Variants in DHRS12 observed in about 807,000 individuals in gnomAD.
The protein encoded by DHRS12 is dehydrogenase/reductase 12.
DHRS12 carries 29 observed loss-of-function variants against 32.1 expected under a neutral mutation model. That is an observed-to-expected ratio of 0.90 (90% CI 0.67 to 1.23). The LOEUF (loss-of-function observed/expected upper bound fraction) is 1.23. DHRS12 is among the 50% of genes most tolerant of loss of function. DHRS12 has a pLI of 0.00. For synonymous variants in DHRS12, 150 were observed against 135.9 expected, an observed-to-expected ratio of 1.10 and a Z score of -0.72; for missense variants, 330 against 337.2, an observed-to-expected ratio of 0.98 and a Z score of 0.17.
intron 5 of DHRS12, chr13:51,775,902 CCTACATGTATT>C (rs201099769): frequency 1.4e-5 from 2 of 147,024 alleles, no homozygotes; most frequent in South Asian, 2.1e-4. Context: ...ACAGTATTCT[CCTACATGTATT>C]CTACAGTATT....
chr13:51,771,959 T>G (rs1226111978), intron 6 of DHRS12, 48 bp from the exon 7 acceptor site: 2 of 1,587,098 alleles, frequency 1.3e-6, no homozygotes, highest in African/African-American at 1.3e-5. Context: ...GAGGCGCCAT[T>G]AGGTGCAAGG....
At chr13:51,768,978 T>G in intron 8 of DHRS12, 178 bp downstream of exon 8, 2 of 1,410,672 alleles carry the variant, frequency 1.4e-6, no homozygotes, top group Non-Finnish European at 1.8e-6. Context: ...CAACCTGGAG[T>G]GAAGCGCTTC....
intron 2 of DHRS12, among the ~76,000 whole-genome samples, chr13:51,793,343 G>A (rs1371025912): frequency 2.0e-5 from 3 of 152,168 alleles, no homozygotes; most frequent in South Asian, 2.1e-4. Flanking sequence ...ACCTACAGAC[G>A]AGGATCTGAG....
At chr13:51,771,097 T>C in intron 7 of DHRS12, 1 of 1,459,490 alleles carries the variant, frequency 6.9e-7, no homozygotes, top group East Asian at 2.5e-5. Flanking sequence ...AGTTCCCTCA[T>C]CTGTAAATGG....
the DHRS12 span, chr13:51,760,157 T>G: frequency 6.0e-6 from 1 of 167,976 alleles, no homozygotes; most frequent in Non-Finnish European, 1.3e-5. Flanking sequence ...CATTATACTT[T>G]CTGTGTTTAC....
At position 51,791,271 on chromosome 13, in the gene DHRS12, C is replaced by CA. The variant is rs11309708; in HGVS notation, c.127-15dup. On this transcript the variant is annotated splice_polypyrimidine_tract_variant and intron_variant, in intron 2 of 8. Coordinates refer to ENST00000444610, the MANE Select transcript of DHRS12 (RefSeq NM_001377533.1). ...CAGAAAAATGTTCTAAATTAGAAAG[C>CA]AAAAAAAAAAAAAACCCTTTTTAAA... 80,758 of 887,872 alleles carry CA rather than the reference C, an allele frequency of 0.091. 101 individuals carry two copies. Among genetic ancestry groups the CA allele is most frequent in the Non-Finnish European group, 0.1 (66,588 of 650,218 alleles). 55.0% of individuals were successfully genotyped at this position (887,872 alleles called of 1,614,324 possible).
intron 4 of DHRS12, among the ~76,000 whole-genome samples, chr13:51,787,417 T>C (rs927929576): frequency 1.3e-5 from 2 of 151,520 alleles, no homozygotes; most frequent in African/African-American, 4.9e-5. Context: ...TTCCCTGGCA[T>C]AGCTGGTCAC....
At position 51,791,170 on chromosome 13, in the gene DHRS12, C is replaced by T. The variant is rs1270861573; in HGVS notation, c.214G>A (p.Val72Ile). 5.7e-6 allele frequency: 9 copies of T among 1,576,380 alleles called. No individual in the cohort carries two copies. The highest frequency in any genetic ancestry group is 7.8e-6 in the Non-Finnish European group (9 of 1,159,968). ...CTTATGTTTACAAAGCTCACCAGAA[C>T]ATGGAGTTTATGTTCCTGCTTGAAA... ...ENFKQEHKLH[V>I]LINNAGCMVN... The change falls in exon 3 of 9, where the codon GTT becomes ATT. Residue 72 changes from valine to isoleucine, a missense_variant. Val to Ile is a conservative substitution (Grantham distance 29). Transcript: ENST00000444610.
rs150967336 is a variant in DHRS12, at chr13:51,783,503, G to T, written c.302-6382C>A. Among the ~76,000 whole-genome samples, 433 of 152,232 alleles carry T rather than the reference G, an allele frequency of 2.8e-3. 3 individuals carry two copies. Among genetic ancestry groups the T allele is most frequent in the East Asian group, 9.8e-3 (51 of 5,182 alleles). ...AATGTTTTAACATAAAGTAAAATCT[G>T]TGCATGCGTGTGTGTGTGTACACAG... On this transcript the variant is annotated intron_variant, in intron 4 of 8. Transcript: ENST00000444610.
At chr13:51,789,933 T>C (rs1955186938) in intron 4 of DHRS12, 78 bp downstream of exon 4, 1 of 1,465,652 alleles carries the variant, frequency 6.8e-7, no homozygotes, top group Admixed American at 2.7e-5. Flanking sequence ...AAAAAGTTGG[T>C]CAATTTTTTT....
chr13:51,767,845 A>AAGTGGAGT (rs1953817314), downstream of DHRS12: 1 of 171,186 alleles, frequency 5.8e-6, no homozygotes, highest in Non-Finnish European at 9.2e-6. Flanking sequence ...AAGGGAGGGG[A>AAGTGGAGT]AGTGGAGTTC....
the DHRS12 span, among the ~76,000 whole-genome samples, chr13:51,757,186 T>C: frequency 6.6e-6 from 1 of 152,214 alleles, no homozygotes; most frequent in Non-Finnish European, 1.5e-5. Flanking sequence ...ATATCAAATA[T>C]AAAATAAGAT....
At chr13:51,768,565 C>T (rs1398819185) in intron 8 of DHRS12, 4 of 1,323,848 alleles carry the variant, frequency 3.0e-6, no homozygotes, top group Middle Eastern at 2.9e-4. Flanking sequence ...CGGCCATCCT[C>T]CCGGATACCC....
chr13:51,758,199 C>T, the DHRS12 span: 40 of 1,573,092 alleles, frequency 2.5e-5, no homozygotes, highest in Non-Finnish European at 2.3e-5. Context: ...TAGACGTGCA[C>T]CCACAGCCAC....
intron 5 of DHRS12, chr13:51,776,065 A>AGTATTCTCCTACAT (rs758246747): frequency 1.0e-5 from 1 of 95,618 alleles, no homozygotes; most frequent in African/African-American, 5.0e-5. Context: ...TGTATTCTAC[A>AGTATTCTCCTACAT]GTATTCTCCT....
At chr13:51,771,500 C>G in intron 7 of DHRS12, 1 of 1,614,006 alleles carries the variant, frequency 6.2e-7, no homozygotes, top group South Asian at 1.1e-5. Context: ...TCCTGTCTGA[C>G]GTGGAAATGA....
Position 51,782,359 on chromosome 13 carries a change from G to A in DHRS12, c.302-5238C>T, listed in dbSNP as rs1163128990. On this transcript the variant is annotated intron_variant, in intron 4 of 8. Transcript: ENST00000444610. This position sits in a 1 kb window ranked among gnomAD's most constrained non-coding sequence, Gnocchi z 4.2. ...CAACATTTAAAGTCCCCGCAGACAC[G>A]CTGCAGCTGGCTAAGGAGGTTGAGA... 6.6e-6 allele frequency among the ~76,000 whole-genome samples: 1 copy of A among 152,282 alleles called. No individual in the cohort carries two copies. The highest frequency in any genetic ancestry group is 1.9e-4 in the East Asian group (1 of 5,186).
the DHRS12 span, chr13:51,756,398 C>T: frequency 1.2e-6 from 2 of 1,614,056 alleles, no homozygotes. Context: ...CTCCATCCCC[C>T]TGATGGGCTT....
downstream of DHRS12, chr13:51,766,294 G>C (rs1953746276): frequency 6.6e-6 from 1 of 152,156 alleles, no homozygotes; most frequent in South Asian, 2.1e-4. Context: ...GAAGGTGCTG[G>C]CCCCACATTA....
Sources: allele counts gnomAD v4.1 joint callset (sites outside exome capture counted in the v4.1 genomes callset), GRCh38; gene constraint gnomAD v4.1.1; non-coding constraint Gnocchi (gnomAD v3.1); transcripts MANE v1.5; gene names NCBI Gene and HGNC (gene_info 2026-07-23, HGNC 2026-07-21).